UTS2B: variants seen among roughly 807,000 people sequenced by gnomAD.
UTS2B encodes the protein urotensin-2B.
UTS2B carries 21 observed loss-of-function variants against 19.2 expected under a neutral mutation model. That is an observed-to-expected ratio of 1.09 (90% CI 0.78 to 1.58). UTS2B has a LOEUF of 1.58. UTS2B is among the 40% of genes most tolerant of loss of function. The pLI is 0.00. For synonymous variants in UTS2B, 57 were observed against 50.2 expected (o/e 1.14, Z -0.58); for missense variants, 138 against 130.3 (o/e 1.06, Z -0.29).
chr3:191,312,974 T>C (rs1200152888), intron 3 of UTS2B, among the ~76,000 whole-genome samples: 1 of 151,732 alleles, frequency 6.6e-6, no homozygotes, highest in African/African-American at 2.4e-5. Flanking sequence ...CAGTTCAAGG[T>C]CATAGGATAA....
At position 191,324,983 on chromosome 3, in the gene UTS2B, G is replaced by C. The variant is rs1717706896; in HGVS notation, c.-586+3648C>G. Among the ~76,000 whole-genome samples the C allele has an allele frequency of 1.3e-5, 2 of 152,096 alleles. 1 individual carries two copies. Among genetic ancestry groups the C allele is most frequent in the Admixed American group, 1.3e-4 (2 of 15,272 alleles). Reference sequence around the variant, plus strand: ...GAGAATCGCTTGAACCTGGGAGTTGGAGGTTGCAGTGAACCGAGATTGTGC... The same window carrying C: ...GAGAATCGCTTGAACCTGGGAGTTGCAGGTTGCAGTGAACCGAGATTGTGC... On this transcript the variant is annotated intron_variant, in intron 2 of 8. Coordinates refer to ENST00000340524, the MANE Select transcript of UTS2B (RefSeq NM_198152.5).
intron 4 of UTS2B, among the ~76,000 whole-genome samples, chr3:191,290,224 G>A (rs1019866858): frequency 1.3e-5 from 2 of 152,084 alleles, no homozygotes; most frequent in African/African-American, 4.8e-5. Context: ...TTCTTGTCAT[G>A]AGTGCATAAC....
chr3:191,332,582 C>G (rs1487550656), upstream of UTS2B, among the ~76,000 whole-genome samples: 1 of 152,190 alleles, frequency 6.6e-6, no homozygotes, highest in African/African-American at 2.4e-5. Flanking sequence ...AGGTCTATAA[C>G]TGAAATGCAA....
intron 3 of UTS2B, among the ~76,000 whole-genome samples, chr3:191,309,679 C>G (rs946586231): frequency 1.3e-5 from 2 of 152,080 alleles, no homozygotes; most frequent in Non-Finnish European, 2.9e-5. Context: ...ACCAACCCCT[C>G]GATGCTGTTT....
chr3:191,290,031 T>C (rs1560137365), intron 4 of UTS2B, among the ~76,000 whole-genome samples: 1 of 152,230 alleles, frequency 6.6e-6, no homozygotes, highest in Non-Finnish European at 1.5e-5. Flanking sequence ...CATATTTCAA[T>C]ACATCATGTT....
intron 3 of UTS2B, among the ~76,000 whole-genome samples, chr3:191,315,368 C>A (rs1717420656): frequency 1.3e-5 from 2 of 152,190 alleles, no homozygotes; most frequent in Admixed American, 1.3e-4. Context: ...CTGATTTACA[C>A]CTGGTCGCTC....
chr3:191,343,189 C>T, the UTS2B span, among the ~76,000 whole-genome samples: 1 of 152,064 alleles, frequency 6.6e-6, no homozygotes, highest in African/African-American at 2.4e-5. Context: ...GGAACCAGTC[C>T]CCCTCACGTA....
chr3:191,332,233 G>A (rs1718013609), upstream of UTS2B, among the ~76,000 whole-genome samples: 1 of 152,132 alleles, frequency 6.6e-6, no homozygotes, highest in East Asian at 1.9e-4. Flanking sequence ...GAAATCTAAT[G>A]CTTGCTTACT....
At chr3:191,301,284 TG>T (rs1716992167) in intron 4 of UTS2B, among the ~76,000 whole-genome samples, 1 of 152,180 alleles carries the variant, frequency 6.6e-6, no homozygotes, top group African/African-American at 2.4e-5. Flanking sequence ...CAGACATCCC[TG>T]GCTTTGCAAA....
intron 4 of UTS2B, among the ~76,000 whole-genome samples, chr3:191,303,652 T>C (rs1576927394): frequency 6.6e-6 from 1 of 152,302 alleles, no homozygotes; most frequent in South Asian, 2.1e-4. Flanking sequence ...AAAGAGCCTA[T>C]CACTAGGACT....
intron 3 of UTS2B, among the ~76,000 whole-genome samples, chr3:191,308,545 G>A (rs542524255): frequency 6.6e-6 from 1 of 152,208 alleles, no homozygotes; most frequent in South Asian, 2.1e-4. Context: ...TGAGATTTGG[G>A]GTTGGGTAAT....
At chr3:191,297,033 C>T (rs756928351) in intron 4 of UTS2B, among the ~76,000 whole-genome samples, 8 of 152,124 alleles carry the variant, frequency 5.3e-5, no homozygotes, top group Non-Finnish European at 1.0e-4. Context: ...ACAATGTCAA[C>T]ATCTGTGAGA....
intron 2 of UTS2B, among the ~76,000 whole-genome samples, chr3:191,322,081 T>C (rs1465441661): frequency 6.6e-6 from 1 of 152,196 alleles, no homozygotes; most frequent in African/African-American, 2.4e-5. Flanking sequence ...TATGTATATG[T>C]ACATAACATT....
At chr3:191,304,124 A>G (rs1446980246) in intron 4 of UTS2B, among the ~76,000 whole-genome samples, 1 of 152,058 alleles carries the variant, frequency 6.6e-6, no homozygotes, top group Non-Finnish European at 1.5e-5. Flanking sequence ...TACCCGGCTC[A>G]TTTTTGTACT....
At chr3:191,323,145 T>TTTTATTTTATTTTATTTTA (rs1553835422) in intron 2 of UTS2B, among the ~76,000 whole-genome samples, 51 of 148,884 alleles carry the variant, frequency 3.4e-4, no homozygotes, top group African/African-American at 1.2e-3. Context: ...TTTTATTTTA[T>TTTTATTTTATTTTATTTTA]TTTATTTATT....
intron 1 of UTS2B, chr3:191,329,344 C>T (rs1576941752): frequency 1.7e-5 from 5 of 293,576 alleles, no homozygotes; most frequent in Non-Finnish European, 3.1e-5. Flanking sequence ...CCAGCCGGCC[C>T]GCCCGCCTTT....
At chr3:191,274,213 T>G (rs75674803) in intron 8 of UTS2B, among the ~76,000 whole-genome samples, 10,127 of 152,284 alleles carry the variant, frequency 0.067, 658 homozygotes, top group East Asian at 0.33. Flanking sequence ...TTTTCAGCAT[T>G]AAATTTAACC....
rs186261409 is a variant in UTS2B at position 191,292,391 on chromosome 3, A to G, written c.-124-10078T>C. Among the ~76,000 whole-genome samples the G allele has an allele frequency of 3.3e-5, 5 of 152,044 alleles. No individual in the cohort carries two copies. In the East Asian group the frequency reaches 9.7e-4, roughly 29 times the overall value. On this transcript the variant is annotated intron_variant, in intron 4 of 8. Transcript: ENST00000340524. ...CAAGTGGAATTACTTTCTTAATTTTATTTTTTGCGTTGTTCTTTGCTAGGA... is the reference window on the plus strand; with the variant it reads ...CAAGTGGAATTACTTTCTTAATTTTGTTTTTTGCGTTGTTCTTTGCTAGGA...
intron 5 of UTS2B, among the ~76,000 whole-genome samples, chr3:191,281,465 T>G (rs541125576): frequency 6.6e-6 from 1 of 151,956 alleles, no homozygotes; most frequent in East Asian, 1.9e-4. Flanking sequence ...AATTATAATA[T>G]TATAAGAGCA....
Sources: allele counts gnomAD v4.1 joint callset (sites outside exome capture counted in the v4.1 genomes callset), GRCh38; gene constraint gnomAD v4.1.1; transcripts MANE v1.5; gene names NCBI Gene and HGNC (gene_info 2026-07-23, HGNC 2026-07-21).